Variants in DNAH9 observed in about 807,000 individuals in gnomAD.
DNAH9 encodes dynein axonemal heavy chain 9.
In DNAH9, 345 loss-of-function variants were observed where a neutral mutation model predicts 471.6. That is an observed-to-expected ratio of 0.73 (90% CI 0.67 to 0.80). The LOEUF (loss-of-function observed/expected upper bound fraction) is 0.80, where lower values mean the gene tolerates loss of function less well. DNAH9 is among the 30% of genes least tolerant of loss of function. The pLI is 0.00. For missense variants in DNAH9, 5,407 were observed against 5,609.2 expected (o/e 0.96, Z 1.15); for synonymous variants, 2,093 against 2,123.6 (o/e 0.99, Z 0.40).
intron 6 of DNAH9, among the ~76,000 whole-genome samples, chr17:11,624,059 T>C (rs2072925190): frequency 6.6e-6 from 1 of 152,212 alleles, no homozygotes; most frequent in African/African-American, 2.4e-5. Context: ...ATTTTCAGGA[T>C]ACCACCATTC....
chr17:11,942,280 CTG>C (rs766103038), intron 66 of DNAH9, 21 bp from the exon 67 acceptor site: 1 of 1,610,306 alleles, frequency 6.2e-7, no homozygotes, highest in Non-Finnish European at 8.5e-7. Flanking sequence ...TTTCTTAACG[CTG>C]TGTTTCCTTC....
chr17:11,784,302 T>A lies in DNAH9; in HGVS notation c.7824T>A (p.Arg2608=), dbSNP rs751957200. ...GSFTINPRLQ[R]HFSVFVLSFP... ...TCATGCCTTTGTTTCCTGTACAGCGTCACTTCAGCGTGTTTGTCCTCTCCT... is the reference window on the plus strand; with the variant it reads ...TCATGCCTTTGTTTCCTGTACAGCGACACTTCAGCGTGTTTGTCCTCTCCT... The change falls in exon 41 of 69, where the codon CGT becomes CGA. Residue 2608 remains arginine, a splice_region_variant and synonymous_variant. Transcript: ENST00000262442. The A allele has an allele frequency of 4.3e-6, 7 of 1,614,140 alleles. No homozygotes were observed. The Admixed American group carries it at 1.2e-4, about 27-fold the overall frequency.
chr17:11,617,585 T>G lies in DNAH9; in HGVS notation c.1079T>G (p.Val360Gly). 1 of 1,614,116 alleles carries G rather than the reference T, an allele frequency of 6.2e-7. No homozygotes were observed. The highest frequency in any genetic ancestry group is 8.5e-7 in the Non-Finnish European group (1 of 1,180,026). Reference sequence around the variant, plus strand: ...TACCGCTCCCCGGGAAGGCTGACTGTGCTGCTCCAGGAGATTTGCAACCTT... The same window carrying G: ...TACCGCTCCCCGGGAAGGCTGACTGGGCTGCTCCAGGAGATTTGCAACCTT... The part of the protein sequence containing the change: ...KSYRSPGRLT[V>G]LLQEICNLLI... The change falls in exon 5 of 69, where the codon GTG becomes GGG. Residue 360 changes from valine (V) to glycine (G), a missense_variant. Coordinates refer to ENST00000262442, the MANE Select transcript of DNAH9 (RefSeq NM_001372.4).
Position 11,784,284 on chromosome 17 carries a change from T to C in DNAH9, c.7822-16T>C. 6.2e-7 allele frequency: 1 copy of C among 1,612,644 alleles called. No individual in the cohort carries two copies. The highest frequency in any genetic ancestry group is 8.5e-7 in the Non-Finnish European group (1 of 1,178,632). ...TGGTAACGGATGTTGAGCTCATGCC[T>C]TTGTTTCCTGTACAGCGTCACTTCA... On this transcript the variant is annotated splice_polypyrimidine_tract_variant and intron_variant, in intron 40 of 68. Transcript: ENST00000262442.
intron 43 of DNAH9, among the ~76,000 whole-genome samples, chr17:11,806,169 A>G (rs1234703018): frequency 6.6e-6 from 1 of 152,130 alleles, no homozygotes; most frequent in Non-Finnish European, 1.5e-5. Context: ...ATCCTAATTC[A>G]ACTAACACAT....
intron 63 of DNAH9, 150 bp downstream of exon 63, chr17:11,930,243 T>G: frequency 1.4e-6 from 1 of 690,850 alleles, no homozygotes; most frequent in Admixed American, 2.9e-5. Flanking sequence ...TCCCACCTGA[T>G]GCCCACTCAG....
Position 11,598,901 on chromosome 17 carries a change from G to C in DNAH9, c.403G>C (p.Ala135Pro), listed in dbSNP as rs750536301. Reference sequence around the variant, plus strand: ...CGCGGCACCTCTGGAGCACCTAGCCGCGCTGTTCTCGGAGGTGAGGGTGGG... The same window carrying C: ...CGCGGCACCTCTGGAGCACCTAGCCCCGCTGTTCTCGGAGGTGAGGGTGGG... ...LPAAPLEHLAALFSEVVLPVL... is the reference protein window; with the variant it reads ...LPAAPLEHLAPLFSEVVLPVL... The change falls in exon 1 of 69, where the codon GCG (alanine) becomes CCG (proline). Residue 135 changes from alanine (A) to proline (P), a missense_variant. Physicochemically the swap from Ala to Pro is conservative, Grantham distance 27. Transcript: ENST00000262442. The C allele has an allele frequency of 2.6e-6, 4 of 1,536,034 alleles. No homozygotes were observed. The highest frequency in any genetic ancestry group is 2.4e-5 in the South Asian group (2 of 84,592).
chr17:11,632,830 G>C, intron 8 of DNAH9, 127 bp downstream of exon 8: 1 of 544,114 alleles, frequency 1.8e-6, no homozygotes, highest in Non-Finnish European at 3.3e-6. Context: ...TAATCTAGTA[G>C]AGAAGGATAT....
At chr17:11,795,786 G>A (rs985561964) in intron 42 of DNAH9, among the ~76,000 whole-genome samples, 3 of 152,174 alleles carry the variant, frequency 2.0e-5, no homozygotes, top group African/African-American at 7.2e-5. Context: ...AGAGTTCCAT[G>A]TGTGGGTCTG....
At chr17:11,918,421 G>A (rs1165296213) in intron 61 of DNAH9, among the ~76,000 whole-genome samples, 1 of 151,968 alleles carries the variant, frequency 6.6e-6, no homozygotes, top group African/African-American at 2.4e-5. Flanking sequence ...TTGTAGAGAT[G>A]GGTCTCACTG....
intron 49 of DNAH9, among the ~76,000 whole-genome samples, chr17:11,844,975 C>T (rs967535583): frequency 6.6e-6 from 1 of 150,734 alleles, no homozygotes; most frequent in African/African-American, 2.5e-5. Flanking sequence ...TGTTCATGTC[C>T]TTTGTCCACT....
At position 11,930,682 on chromosome 17, in the gene DNAH9, G is replaced by A. The variant is rs755076477; in HGVS notation, c.12105+589G>A. ...TGGGAGGCTGAGGCAAGAGAATGGC[G>A]TGAACCTGGGAGGCGGAGCTTGCAG... On this transcript the variant is annotated intron_variant, in intron 63 of 68. Transcript: ENST00000262442. Among the ~76,000 whole-genome samples the A allele has an allele frequency of 3.3e-5, 5 of 151,212 alleles. 1 individual carries two copies. Among genetic ancestry groups the A allele is most frequent in the Admixed American group, 2.0e-4 (3 of 15,112 alleles).
rs1344325345 is a variant in DNAH9 at position 11,807,913 on chromosome 17, G to A, written c.8583+19G>A. 6.3e-7 allele frequency: 1 copy of A among 1,587,260 alleles called. No individual in the cohort carries two copies. The highest frequency in any genetic ancestry group is 8.6e-7 in the Non-Finnish European group (1 of 1,159,634). The stretch of plus-strand genomic sequence containing the variant: ...CTTCAAGGTAAAAGGTCAGGCAGCT[G>A]CAGGGAGGAGGCTCAGCTTCCCTCC... On this transcript the variant is annotated intron_variant, in intron 44 of 68. Coordinates refer to ENST00000262442, the MANE Select transcript of DNAH9 (RefSeq NM_001372.4).
intron 43 of DNAH9, among the ~76,000 whole-genome samples, chr17:11,799,725 A>G (rs1969383674): frequency 6.6e-6 from 1 of 152,162 alleles, no homozygotes. Flanking sequence ...CTGGGATTAC[A>G]GGTGCCCACC....
chr17:11,640,409 A>G (rs755267713), intron 10 of DNAH9, 25 bp downstream of exon 10: 2 of 1,483,692 alleles, frequency 1.3e-6, no homozygotes, highest in South Asian at 2.3e-5. Flanking sequence ...CCTGAAAGAC[A>G]GGCTTGTCTT....
intron 56 of DNAH9, among the ~76,000 whole-genome samples, chr17:11,885,179 CA>C (rs1972842221): frequency 6.6e-6 from 1 of 152,176 alleles, no homozygotes; most frequent in Admixed American, 6.5e-5. Context: ...GGAAGAAAGA[CA>C]AGTAAACAGG....
intron 27 of DNAH9, among the ~76,000 whole-genome samples, chr17:11,727,064 A>C (rs1037667115): frequency 2.7e-5 from 4 of 150,790 alleles, no homozygotes; most frequent in Admixed American, 6.6e-5. Context: ...AAAAAAAAAA[A>C]AAAAAAAAAA....
At chr17:11,838,636 G>GAT (rs892378206) in intron 49 of DNAH9, among the ~76,000 whole-genome samples, 33 of 152,284 alleles carry the variant, frequency 2.2e-4, no homozygotes, top group Admixed American at 1.9e-3. Flanking sequence ...CTTAGAAGGT[G>GAT]ATGTGGCAGG....
At chr17:11,812,253 C>G in intron 45 of DNAH9, among the ~76,000 whole-genome samples, 1 of 151,226 alleles carries the variant, frequency 6.6e-6, no homozygotes, top group African/African-American at 2.4e-5. Flanking sequence ...AACAAAATTT[C>G]TGCCTCCAGA....
Sources: allele counts gnomAD v4.1 joint callset (sites outside exome capture counted in the v4.1 genomes callset), GRCh38; gene constraint gnomAD v4.1.1; transcripts MANE v1.5; gene names NCBI Gene and HGNC (gene_info 2026-07-23, HGNC 2026-07-21).